KIF26A: variants seen among roughly 807,000 people sequenced by gnomAD.
KIF26A encodes the protein kinesin family member 26A.
In KIF26A, 74 loss-of-function variants were observed where a neutral mutation model predicts 126.0. That is an observed-to-expected ratio of 0.59 (90% confidence interval 0.49 to 0.71). KIF26A has a LOEUF of 0.71. Among genes scored for constraint, KIF26A ranks in the 30% least tolerant of loss-of-function variants. The pLI is 0.00. For missense variants in KIF26A, 2,984 were observed against 2,763.3 expected (o/e 1.08, Z -1.79); for synonymous variants, 1,445 against 1,232.7 (o/e 1.17, Z -3.61).
In KIF26A at chr14:104,152,338, G is replaced by T. The variant is rs1402844868; in HGVS notation, c.612G>T (p.Gln204His). 1 of 1,583,850 alleles carries T rather than the reference G, an allele frequency of 6.3e-7. No individual in the cohort carries two copies. The highest frequency in any genetic ancestry group is 1.2e-5 in the South Asian group (1 of 86,872). Residue 204 changes from glutamine to histidine, a missense_variant, in exon 3 of 15, where the codon CAG becomes CAT. Transcript: ENST00000423312. The surrounding 1 kb of genome is among the most constrained non-coding windows in gnomAD (Gnocchi z 5.9). ...GLAWSPGPSV[Q>H]VSVAPAGLGG... Reference sequence around the variant, plus strand: ...CCTGGTCCCCCGGGCCCAGTGTCCAGGTGTCTGTAGCACCTGCGGGTCTTG... The same window carrying T: ...CCTGGTCCCCCGGGCCCAGTGTCCATGTGTCTGTAGCACCTGCGGGTCTTG...
At chr14:104,174,841 T>G in intron 11 of KIF26A, 141 bp from the exon 12 acceptor site, 6 of 860,362 alleles carry the variant, frequency 7.0e-6, no homozygotes, top group Non-Finnish European at 1.0e-5. Context: ...GCTCCCAGCG[T>G]TTGGTGGGAC....
intron 2 of KIF26A, among the ~76,000 whole-genome samples, chr14:104,147,408 C>T (rs1267941408): frequency 6.6e-6 from 1 of 152,184 alleles, no homozygotes; most frequent in Non-Finnish European, 1.5e-5. Flanking sequence ...TGTCCCCGCT[C>T]CCTCCCCTCC....
chr14:104,144,707 C>T (rs943263031), intron 2 of KIF26A, among the ~76,000 whole-genome samples: 5 of 152,316 alleles, frequency 3.3e-5, no homozygotes, highest in East Asian at 3.9e-4. Context: ...CTAATGGGAA[C>T]GGGTCATTCT....
intron 2 of KIF26A, among the ~76,000 whole-genome samples, chr14:104,149,627 A>ACTTTGGCTTCCTGTCCC (rs1237031409): frequency 6.2e-4 from 94 of 152,306 alleles, no homozygotes; most frequent in African/African-American, 2.2e-3. Flanking sequence ...GGTGGGGGCC[A>ACTTTGGCTTCCTGTCCC]CTTTGGCTTC....
At chr14:104,174,411 C>T (rs2037994468) in intron 11 of KIF26A, 101 bp downstream of exon 11, 1 of 1,201,142 alleles carries the variant, frequency 8.3e-7, no homozygotes, top group Non-Finnish European at 1.1e-6. Context: ...CAGCAGGTGG[C>T]CTGGAGCCTG....
At chr14:104,172,737 GCTGGCAGCTTCTGAT>G (rs2037972294) in intron 7 of KIF26A, 69 bp downstream of exon 7, 1 of 1,273,714 alleles carries the variant, frequency 7.9e-7, no homozygotes, top group African/African-American at 1.5e-5. Context: ...CACGGTGGTT[GCTGGCAGCTTCTGAT>G]GGGAAAGGAG....
At chr14:104,142,027 C>T (rs1008945753) in intron 2 of KIF26A, among the ~76,000 whole-genome samples, 38 of 151,860 alleles carry the variant, frequency 2.5e-4, no homozygotes, top group Non-Finnish European at 3.1e-4. Context: ...CCCAGGTTCC[C>T]GGCCTACCTC....
At position 104,152,454 on chromosome 14, in the gene KIF26A, C is replaced by A; in HGVS notation, c.728C>A (p.Ala243Glu). ...CGGGTCAACAGCTTCCTCCCGCCGG[C>A]GTGCCTGGTGAGTGTCTTGCTCAGC... ...VSRVNSFLPP[A>E]CLAEAAVAAV... Residue 243 changes from alanine to glutamate, a missense_variant, in exon 3 of 15, where the codon GCG (alanine) becomes GAG (glutamate). Ala to Glu is a moderately radical substitution (Grantham distance 107, BLOSUM62 -1). Transcript: ENST00000423312. This position sits in a 1 kb window ranked among gnomAD's most constrained non-coding sequence, Gnocchi z 5.9. The A allele has an allele frequency of 6.4e-7, 1 of 1,570,644 alleles. No homozygotes were observed.
intron 3 of KIF26A, among the ~76,000 whole-genome samples, chr14:104,153,788 C>A (rs2037752432): frequency 2.0e-5 from 3 of 152,208 alleles, no homozygotes; most frequent in Admixed American, 2.0e-4. Context: ...GCACAGGCAC[C>A]TCCGTCTCCT....
Position 104,171,939 on chromosome 14 carries a change from C to A in KIF26A, c.1326+4C>A. On this transcript the variant is annotated splice_donor_region_variant and intron_variant, in intron 6 of 14. Coordinates refer to ENST00000423312, the MANE Select transcript of KIF26A (RefSeq NM_015656.2). Reference sequence around the variant, plus strand: ...CTTCCCCCAGGACTCCGAGCAGGTACGGGCAGGCGGACTGGGCGTCCTCCC... The same window carrying A: ...CTTCCCCCAGGACTCCGAGCAGGTAAGGGCAGGCGGACTGGGCGTCCTCCC... The A allele has an allele frequency of 6.5e-6, 10 of 1,549,944 alleles. No individual in the cohort carries two copies. Among genetic ancestry groups the A allele is most frequent in the Non-Finnish European group, 8.7e-6 (10 of 1,147,506 alleles).
At position 104,155,478 on chromosome 14, in the gene KIF26A, G is replaced by A. The variant is rs184439084; in HGVS notation, c.736-2277G>A. Among the ~76,000 whole-genome samples, 717 of 106,332 alleles carry A rather than the reference G, an allele frequency of 6.7e-3. 8 individuals carry two copies. Among genetic ancestry groups the A allele is most frequent in the East Asian group, 0.035 (113 of 3,190 alleles). 69.8% of individuals were successfully genotyped at this position (106,332 alleles called of 152,430 possible). The stretch of plus-strand genomic sequence containing the variant: ...TCGGCCTCACGCTCCCCTCTCTCCT[G>A]CCTTTCCTTCCGTTTGCTGCTGTGG... On this transcript the variant is annotated intron_variant, in intron 3 of 14. Transcript: ENST00000423312.
intron 4 of KIF26A, 144 bp from the exon 5 acceptor site, chr14:104,166,715 G>T (rs890671863): frequency 2.6e-6 from 2 of 757,662 alleles, no homozygotes; most frequent in East Asian, 2.8e-5. Flanking sequence ...TGAAGTGCAG[G>T]CCTCCCAGCC....
Position 104,178,561 on chromosome 14 carries a change from C to G in KIF26A, c.5122C>G (p.Arg1708Gly). Residue 1708 changes from arginine (R) to glycine (G), a missense_variant, in exon 13 of 15, where the codon CGG becomes GGG. Transcript: ENST00000423312. ...GCTCTCCGTTCCAGGTCTGCAGCGG[C>G]GGCGCCTGATTCCCGCCCCACTGCC... ...PKKRATGLQRRRLIPAPLPDT... is the reference protein window; with the variant it reads ...PKKRATGLQRGRLIPAPLPDT... The G allele has an allele frequency of 6.8e-7, 1 of 1,472,044 alleles. No homozygotes were observed. The allele number at this position is 1,472,044 out of a possible 1,614,324, so 91.2% of individuals were successfully genotyped here.
Position 104,176,330 on chromosome 14 carries a change from C to A in KIF26A, c.3542C>A (p.Ala1181Asp). 1 of 1,584,314 alleles carries A rather than the reference C, an allele frequency of 6.3e-7. No homozygotes were observed. The highest frequency in any genetic ancestry group is 1.7e-5 in the Admixed American group (1 of 58,104). ...PTWGPCPGEV[A>D]AVAPSRPGRE... is the part of the protein sequence containing the mutation. ...TGGGGTCCGTGCCCTGGGGAAGTGG[C>A]TGCAGTGGCCCCATCCCGACCCGGC... Residue 1181 changes from alanine (A) to aspartate (D), a missense_variant, in exon 12 of 15, where the codon GCT becomes GAT. By Grantham distance (126) the Ala-to-Asp change is moderately radical. Coordinates refer to ENST00000423312, the MANE Select transcript of KIF26A (RefSeq NM_015656.2).
intron 4 of KIF26A, among the ~76,000 whole-genome samples, chr14:104,166,178 G>GCAGGGGCCA (rs1555389003): frequency 0.012 from 1,612 of 138,580 alleles, 17 homozygotes; most frequent in African/African-American, 0.02. Context: ...GACGAGGGTG[G>GCAGGGGCCA]CAGGGGCCCA....
At chr14:104,161,928 T>C (rs1422729699) in intron 4 of KIF26A, among the ~76,000 whole-genome samples, 4 of 152,130 alleles carry the variant, frequency 2.6e-5, no homozygotes. Flanking sequence ...CTGGCAGTGT[T>C]GGGTGTGGGC....
intron 6 of KIF26A, 74 bp downstream of exon 6, chr14:104,172,009 TG>T: frequency 7.3e-7 from 1 of 1,372,010 alleles, no homozygotes; most frequent in Non-Finnish European, 1.0e-6. Context: ...GGGTCCGATC[TG>T]CGCCCGCTTC....
Position 104,175,246 on chromosome 14 carries a change from G to A in KIF26A, c.2458G>A (p.Ala820Thr), listed in dbSNP as rs1406925509. 2 of 1,607,864 alleles carry A rather than the reference G, an allele frequency of 1.2e-6. No individual in the cohort carries two copies. Among genetic ancestry groups the A allele is most frequent in the Non-Finnish European group, 1.7e-6 (2 of 1,179,608 alleles). Residue 820 changes from alanine to threonine, a missense_variant, in exon 12 of 15, where the codon GCC becomes ACC. Ala to Thr is a moderately conservative substitution (Grantham distance 58). Transcript: ENST00000423312. ...GPPDFVPIIPALSRHRPSKGP... is the reference protein window; with the variant it reads ...GPPDFVPIIPTLSRHRPSKGP... ...GCCTGACTTCGTGCCCATCATCCCT[G>A]CCCTGAGCCGCCACCGGCCCTCCAA...
intron 4 of KIF26A, among the ~76,000 whole-genome samples, chr14:104,159,501 C>T (rs913846574): frequency 2.6e-5 from 4 of 152,208 alleles, no homozygotes; most frequent in Non-Finnish European, 5.9e-5. Flanking sequence ...GCCCCCAGGC[C>T]GGTGCGTTGG....
Sources: gnomAD v4.1 joint callset for allele counts (sites outside exome capture counted in the v4.1 genomes callset) on GRCh38, gnomAD v4.1.1 for gene constraint, Gnocchi (gnomAD v3.1) non-coding constraint, MANE v1.5 for transcripts, NCBI Gene and HGNC (gene_info 2026-07-23, HGNC 2026-07-21) for gene names.